BANK1: variants seen among roughly 807,000 people sequenced by gnomAD.
BANK1 encodes B-cell scaffold protein with ankyrin repeats.
BANK1 carries 95 observed loss-of-function variants against 94.5 expected under a neutral mutation model. The ratio of observed to expected loss-of-function variants is 1.00; its 90% confidence interval spans 0.85 to 1.19. BANK1 has a LOEUF of 1.19. Ranked by LOEUF, BANK1 falls within the 50% of genes most tolerant of loss-of-function variation. The pLI, the probability that BANK1 is intolerant of heterozygous loss-of-function variation, is 0.00. For synonymous variants in BANK1, 334 were observed against 308.4 expected (o/e 1.08, Z -0.87); for missense variants, 987 against 932.2 (o/e 1.06, Z -0.77).
rs1478978030 is a variant in BANK1 at position 102,030,045 on chromosome 4, A to G, written c.1680A>G (p.Gly560=). The change falls in exon 10 of 17, where the codon GGA becomes GGG. Residue 560 remains glycine, a synonymous_variant. Transcript: ENST00000322953. ...VRQETGDEPK[G]EKEKKEEEKE... ...AAGAAACAGGAGATGAACCCAAAGGAGAAAAAGAGAAGAAAGAAGAGGAAA... is the reference window on the plus strand; with the variant it reads ...AAGAAACAGGAGATGAACCCAAAGGGGAAAAAGAGAAGAAAGAAGAGGAAA... The G allele has an allele frequency of 6.2e-7, 1 of 1,613,970 alleles. No individual in the cohort carries two copies. Among genetic ancestry groups the G allele is most frequent in the South Asian group, 1.1e-5 (1 of 91,074 alleles).
chr4:102,010,021 C>T (rs896017432), intron 7 of BANK1, among the ~76,000 whole-genome samples: 2 of 152,164 alleles, frequency 1.3e-5, no homozygotes, highest in Non-Finnish European at 2.9e-5. Context: ...AATCCCAGCA[C>T]TTTGGGAGGC....
At chr4:101,905,839 C>T (rs1010888882) in intron 6 of BANK1, among the ~76,000 whole-genome samples, 2 of 152,170 alleles carry the variant, frequency 1.3e-5, no homozygotes, top group African/African-American at 4.8e-5. Flanking sequence ...GCCGAATCTG[C>T]AGTCATCTTT....
At chr4:102,054,499 A>G (rs935002955) in intron 11 of BANK1, among the ~76,000 whole-genome samples, 16 of 152,106 alleles carry the variant, frequency 1.1e-4, no homozygotes, top group Admixed American at 6.6e-5. Flanking sequence ...GGCTCCAAAT[A>G]CCATGTTATA....
At chr4:101,863,639 G>T (rs1727963184) in intron 4 of BANK1, among the ~76,000 whole-genome samples, 2 of 151,990 alleles carry the variant, frequency 1.3e-5, no homozygotes, top group African/African-American at 4.8e-5. Context: ...ATTATAAGAA[G>T]GAAAAACTCC....
intron 5 of BANK1, among the ~76,000 whole-genome samples, chr4:101,888,105 T>C (rs1230834751): frequency 1.3e-5 from 2 of 152,222 alleles, no homozygotes; most frequent in Non-Finnish European, 2.9e-5. Context: ...AGATGACCTT[T>C]CTTTTACTAG....
intron 11 of BANK1, among the ~76,000 whole-genome samples, chr4:102,059,018 A>G (rs1728327158): frequency 6.6e-6 from 1 of 152,178 alleles, no homozygotes; most frequent in African/African-American, 2.4e-5. Flanking sequence ...CCCAAGGCTC[A>G]AGTCCTCTTC....
At chr4:101,945,932 T>A (rs1723911599) in intron 7 of BANK1, among the ~76,000 whole-genome samples, 1 of 151,866 alleles carries the variant, frequency 6.6e-6, no homozygotes, top group African/African-American at 2.4e-5. Flanking sequence ...AAAATACAAC[T>A]TATATTAGTG....
At chr4:101,936,281 G>A (rs1204725582) in intron 7 of BANK1, among the ~76,000 whole-genome samples, 1 of 149,670 alleles carries the variant, frequency 6.7e-6, no homozygotes, top group Non-Finnish European at 1.5e-5. Flanking sequence ...ACATGTATAT[G>A]TACACATATA....
At chr4:101,947,813 C>T (rs1723989037) in intron 7 of BANK1, among the ~76,000 whole-genome samples, 1 of 152,006 alleles carries the variant, frequency 6.6e-6, no homozygotes, top group East Asian at 1.9e-4. Flanking sequence ...ACTTATCATT[C>T]TCCTTCATTA....
chr4:102,061,699 G>C (rs1282472330), intron 12 of BANK1: 1 of 151,866 alleles, frequency 6.6e-6, no homozygotes, highest in Non-Finnish European at 1.5e-5. Context: ...TATTTCACTA[G>C]TTGTTTCATC....
At position 102,043,820 on chromosome 4, in the gene BANK1, T is replaced by C; in HGVS notation, c.1901-19T>C. 2 of 1,531,682 alleles carry C rather than the reference T, an allele frequency of 1.3e-6. No homozygotes were observed. The highest frequency in any genetic ancestry group is 1.7e-5 in the Admixed American group (1 of 58,344). 94.9% of individuals were successfully genotyped at this position (1,531,682 alleles called of 1,614,324 possible). A position where few individuals can be genotyped will look rare whatever the true frequency, so the allele number is the denominator to read the frequency against. ...GAACGTTTATGTTCAGTAAATAATATGTTCTATACTTTTTACAGTGTTTCA... is the reference window on the plus strand; with the variant it reads ...GAACGTTTATGTTCAGTAAATAATACGTTCTATACTTTTTACAGTGTTTCA... On this transcript the variant is annotated intron_variant, in intron 10 of 16. Coordinates refer to ENST00000322953, the MANE Select transcript of BANK1 (RefSeq NM_017935.5).
At chr4:102,039,712 GTGTCT>G (rs1269533517) in intron 10 of BANK1, among the ~76,000 whole-genome samples, 1 of 152,040 alleles carries the variant, frequency 6.6e-6, no homozygotes, top group Non-Finnish European at 1.5e-5. Flanking sequence ...AACTATGACT[GTGTCT>G]TATTTACCTT....
chr4:101,879,899 G>A (rs540968611), intron 5 of BANK1, among the ~76,000 whole-genome samples: 2 of 152,034 alleles, frequency 1.3e-5, no homozygotes, highest in South Asian at 2.1e-4. Context: ...ATCCTTTCAT[G>A]GTAAAGACCC....
intron 2 of BANK1, among the ~76,000 whole-genome samples, chr4:101,834,676 G>A (rs1406272927): frequency 6.6e-6 from 1 of 152,046 alleles, no homozygotes; most frequent in Non-Finnish European, 1.5e-5. Flanking sequence ...CAAAGAATGT[G>A]GAATTCAGAT....
intron 6 of BANK1, among the ~76,000 whole-genome samples, chr4:101,914,930 G>A (rs78163553): frequency 6.6e-6 from 1 of 152,128 alleles, no homozygotes; most frequent in East Asian, 1.9e-4. Context: ...CAGGACATTT[G>A]TTTACAGTTT....
Position 101,891,881 on chromosome 4 carries a change from T to C in BANK1, c.904-3424T>C, listed in dbSNP as rs79868242. On this transcript the variant is annotated intron_variant, in intron 5 of 16. Coordinates refer to ENST00000322953, the MANE Select transcript of BANK1 (RefSeq NM_017935.5). ...TTGCTGAGAATTTCTGTTTTCCTGATAAAGCTTTCTATTTTTTATTTGTTT... is the reference window on the plus strand; with the variant it reads ...TTGCTGAGAATTTCTGTTTTCCTGACAAAGCTTTCTATTTTTTATTTGTTT... Among the ~76,000 whole-genome samples the C allele has an allele frequency of 4.7e-3, 708 of 152,154 alleles. 13 individuals are homozygous for C. In the East Asian group the frequency reaches 0.058, roughly 12 times the overall value.
At chr4:101,817,976 G>A (rs1043010741) in intron 1 of BANK1, among the ~76,000 whole-genome samples, 9 of 151,978 alleles carry the variant, frequency 5.9e-5, no homozygotes, top group African/African-American at 9.7e-5. Flanking sequence ...CTAGAAAGAC[G>A]GATGATATTT....
intron 7 of BANK1, among the ~76,000 whole-genome samples, chr4:102,010,134 G>A (rs572010165): frequency 3.6e-4 from 55 of 151,620 alleles, no homozygotes; most frequent in African/African-American, 9.4e-4. Flanking sequence ...GTGTGGTGGC[G>A]GGCGCCTGTA....
At chr4:102,039,945 T>C (rs1489416789) in intron 10 of BANK1, among the ~76,000 whole-genome samples, 1 of 152,142 alleles carries the variant, frequency 6.6e-6, no homozygotes, top group African/African-American at 2.4e-5. Context: ...TCACATCTAA[T>C]GGACAACCAT....
Sources: allele counts gnomAD v4.1 joint callset (sites outside exome capture counted in the v4.1 genomes callset), GRCh38; gene constraint gnomAD v4.1.1; transcripts MANE v1.5; gene names NCBI Gene and HGNC (gene_info 2026-07-23, HGNC 2026-07-21).